The following PDE8B variants were observed in gnomAD, a reference collection of about 807,000 sequenced individuals.
PDE8B encodes the protein high affinity cAMP-specific and IBMX-insensitive 3',5'-cyclic phosphodiesterase 8B.
Under a neutral mutation model 101.3 loss-of-function variants are expected in PDE8B, and 26 were observed. The ratio of observed to expected loss-of-function variants is 0.26; its 90% CI spans 0.19 to 0.36. The LOEUF (loss-of-function observed/expected upper bound fraction) is 0.36, where lower values mean the gene tolerates loss of function less well. PDE8B is among the 10% of genes least tolerant of loss of function. PDE8B has a pLI of 1.00. For synonymous variants in PDE8B, 424 were observed against 429.3 expected (o/e 0.99, Z 0.15); for missense variants, 810 against 1,163.1 (o/e 0.70, Z 4.42).
intron 1 of PDE8B, among the ~76,000 whole-genome samples, chr5:77,227,174 C>T (rs1752572772): frequency 6.6e-6 from 1 of 152,084 alleles, no homozygotes; most frequent in South Asian, 2.1e-4. Context: ...AAATGGAATG[C>T]ATAGATGTAT....
chr5:77,401,865 T>C lies in PDE8B; in HGVS notation c.1210+1575T>C, dbSNP rs11958816. On this transcript the variant is annotated intron_variant, in intron 11 of 21. Coordinates refer to ENST00000264917, the MANE Select transcript of PDE8B (RefSeq NM_003719.5). ...TTCTCTAAACTTTTAATCACTTCTA[T>C]TGCTATAGATTCTCTTAATTTTAAC... Among the ~76,000 whole-genome samples, 1,243 of 152,318 alleles carry C rather than the reference T, an allele frequency of 8.2e-3. 21 individuals carry two copies. Among genetic ancestry groups the C allele is most frequent in the African/African-American group, 0.028 (1,177 of 41,568 alleles).
chr5:77,116,139 T>C, the PDE8B span, among the ~76,000 whole-genome samples: 1 of 151,066 alleles, frequency 6.6e-6, no homozygotes, highest in Non-Finnish European at 1.5e-5. Context: ...CAGATTTTCA[T>C]AGGTTTTGTT....
the PDE8B span, among the ~76,000 whole-genome samples, chr5:77,161,662 C>T: frequency 1.3e-5 from 2 of 152,078 alleles, no homozygotes; most frequent in Admixed American, 6.5e-5. Context: ...TATACATATA[C>T]ACATAAGCAT....
intron 7 of PDE8B, among the ~76,000 whole-genome samples, chr5:77,347,884 C>T (rs541252028): frequency 6.6e-6 from 1 of 152,180 alleles, no homozygotes; most frequent in East Asian, 1.9e-4. Flanking sequence ...AGAGGTGGCC[C>T]CGGGAGGTAT....
At chr5:77,240,874 T>C (rs746261767) in intron 1 of PDE8B, among the ~76,000 whole-genome samples, 7 of 152,214 alleles carry the variant, frequency 4.6e-5, no homozygotes, top group Admixed American at 6.5e-5. Context: ...GGATAAAATG[T>C]TGAATTAACC....
At chr5:77,386,284 C>G (rs887503764) in intron 10 of PDE8B, among the ~76,000 whole-genome samples, 3 of 152,146 alleles carry the variant, frequency 2.0e-5, no homozygotes, top group Non-Finnish European at 4.4e-5. Context: ...CTGTAGATGT[C>G]TATTAGGTTC....
intron 10 of PDE8B, among the ~76,000 whole-genome samples, chr5:77,361,909 A>G (rs1369640796): frequency 6.6e-6 from 1 of 152,216 alleles, no homozygotes; most frequent in East Asian, 1.9e-4. Context: ...GGCTGCTGAT[A>G]CAAGAGGTCA....
chr5:77,169,272 A>G, the PDE8B span, among the ~76,000 whole-genome samples: 14 of 152,242 alleles, frequency 9.2e-5, no homozygotes, highest in Non-Finnish European at 1.8e-4. Context: ...GCAGGGGCGC[A>G]GTTCAGCTTT....
At chr5:77,226,705 T>C (rs1171803891) in intron 1 of PDE8B, among the ~76,000 whole-genome samples, 2 of 152,246 alleles carry the variant, frequency 1.3e-5, no homozygotes, top group Non-Finnish European at 2.9e-5. Flanking sequence ...TTAGTAATTG[T>C]AAAATAGTAA....
At chr5:77,122,792 T>C in the PDE8B span, among the ~76,000 whole-genome samples, 2 of 152,342 alleles carry the variant, frequency 1.3e-5, no homozygotes, top group South Asian at 4.1e-4. Context: ...TGCAATTACA[T>C]TTTGAAAGTA....
the PDE8B span, among the ~76,000 whole-genome samples, chr5:77,173,711 T>C: frequency 3.9e-5 from 6 of 152,140 alleles, no homozygotes; most frequent in Admixed American, 3.9e-4. Flanking sequence ...GAAATTGAAG[T>C]GCTTTTTAAT....
chr5:77,413,449 A>T lies in PDE8B; in HGVS notation c.1911+140A>T, dbSNP rs190050905. On this transcript the variant is annotated intron_variant, in intron 17 of 21. Transcript: ENST00000264917. ...AAAAAAAAATTTTGTTACCAAATTG[A>T]CTAGTCACTTTGGTGTTGTAAAGAC... is the stretch of plus-strand genomic sequence containing the variant. 5.8e-6 allele frequency: 4 copies of T among 690,044 alleles called. No individual in the cohort carries two copies. The East Asian group carries it at 1.1e-4, about 19-fold the overall frequency. 42.7% of individuals were successfully genotyped at this position (690,044 alleles called of 1,614,324 possible).
chr5:77,143,565 G>A, the PDE8B span, among the ~76,000 whole-genome samples: 1 of 152,212 alleles, frequency 6.6e-6, no homozygotes, highest in Non-Finnish European at 1.5e-5. Flanking sequence ...AAATTGGAAA[G>A]GAGCCAGGGG....
chr5:77,256,736 C>A (rs1759263274), intron 1 of PDE8B, among the ~76,000 whole-genome samples: 1 of 152,130 alleles, frequency 6.6e-6, no homozygotes, highest in Admixed American at 6.5e-5. Context: ...TGAGGTACTG[C>A]AAAGTTATTT....
chr5:77,392,527 A>G (rs1790155338), intron 10 of PDE8B, among the ~76,000 whole-genome samples: 1 of 152,198 alleles, frequency 6.6e-6, no homozygotes, highest in South Asian at 2.1e-4. Context: ...TGTTTGACCT[A>G]ATGGCAGTAT....
In PDE8B at chr5:77,240,221, C is replaced by T. The variant is rs140832828; in HGVS notation, c.339+28957C>T. 5.0e-4 allele frequency among the ~76,000 whole-genome samples: 76 copies of T among 152,086 alleles called. No homozygotes were observed. The East Asian group carries it at 0.011, about 21-fold the overall frequency. ...CAGGCTGGAGTGCGGTGGCGCGATC[C>T]CGGCTCACTGCAAGCTCCGCCTCCC... On this transcript the variant is annotated intron_variant, in intron 1 of 21. Transcript: ENST00000264917.
intron 2 of PDE8B, among the ~76,000 whole-genome samples, chr5:77,318,692 A>AC (rs1774372635): frequency 6.6e-6 from 1 of 152,074 alleles, no homozygotes; most frequent in South Asian, 2.1e-4. Flanking sequence ...AAGTTCTCAG[A>AC]CCATTTTTTT....
chr5:77,165,570 A>AAACAAC, the PDE8B span: 1 of 145,500 alleles, frequency 6.9e-6, no homozygotes, highest in African/African-American at 2.5e-5. Context: ...ACAACAACAA[A>AAACAAC]AACAAAAACA....
At chr5:77,144,029 G>C in the PDE8B span, 1 of 152,110 alleles carries the variant, frequency 6.6e-6, no homozygotes, top group African/African-American at 2.4e-5. Flanking sequence ...ACGTGAAGTT[G>C]CCTCATACGA....
Sources: gnomAD v4.1 joint callset for allele counts (sites outside exome capture counted in the v4.1 genomes callset) on GRCh38, gnomAD v4.1.1 for gene constraint, MANE v1.5 for transcripts, NCBI Gene and HGNC (gene_info 2026-07-23, HGNC 2026-07-21) for gene names.